Variants in GRID2IP observed in about 807,000 individuals in gnomAD.
The protein encoded by GRID2IP is Grid2 interacting protein, also known as delphilin.
A neutral mutation model predicts 114.3 loss-of-function variants in GRID2IP; 78 were observed. That is an observed-to-expected ratio of 0.68 (90% confidence interval 0.57 to 0.82). The LOEUF is 0.82. Among genes scored for constraint, GRID2IP ranks in the 40% least tolerant of loss-of-function variants. The pLI, the probability that GRID2IP is intolerant of heterozygous loss-of-function variation, is 0.00. For missense variants in GRID2IP, 1,727 were observed against 1,678.5 expected, an observed-to-expected ratio of 1.03 and a Z score of -0.51; for synonymous variants, 809 against 724.0, an observed-to-expected ratio of 1.12 and a Z score of -1.89.
At position 6,520,154 on chromosome 7, in the gene GRID2IP, G is replaced by A. The variant is rs1294744846; in HGVS notation, c.1268+424C>T. On this transcript the variant is annotated intron_variant, in intron 7 of 21. Coordinates refer to ENST00000457091, the MANE Select transcript of GRID2IP (RefSeq NM_001145118.2). The surrounding 1 kb of genome is among the most constrained non-coding windows in gnomAD (Gnocchi z 4.6). Reference sequence around the variant, plus strand: ...AAAAATACAAAAAAATTAGCCGGGTGTGGTGGTGGGCACCTGTAATCCCAG... The same window carrying A: ...AAAAATACAAAAAAATTAGCCGGGTATGGTGGTGGGCACCTGTAATCCCAG... 6.6e-6 allele frequency among the ~76,000 whole-genome samples: 1 copy of A among 152,096 alleles called. No individual in the cohort carries two copies. The highest frequency in any genetic ancestry group is 1.5e-5 in the Non-Finnish European group (1 of 68,020).
In GRID2IP at chr7:6,507,817, A is replaced by AGTGGCCCCCAAGCG. The variant is rs1190874696; in HGVS notation, c.2544+154_2544+167dup. Among the ~76,000 whole-genome samples, 7 of 152,200 alleles carry AGTGGCCCCCAAGCG rather than the reference A, an allele frequency of 4.6e-5. No homozygotes were observed. Among genetic ancestry groups the AGTGGCCCCCAAGCG allele is most frequent in the Non-Finnish European group, 8.8e-5 (6 of 68,038 alleles). ...GACACAGATTGGCTTCAATGCCTGC[A>AGTGGCCCCCAAGCG]GTGGCCCCCAAGCGTGGGGACGTTC... On this transcript the variant is annotated intron_variant, in intron 13 of 21. Transcript: ENST00000457091. The surrounding 1 kb of genome is among the most constrained non-coding windows in gnomAD (Gnocchi z 5.3).
Position 6,497,750 on chromosome 7 carries a change from G to A in GRID2IP, c.*24C>T, listed in dbSNP as rs767618302. 59 of 1,532,708 alleles carry A rather than the reference G, an allele frequency of 3.8e-5. No individual in the cohort carries two copies. Among genetic ancestry groups the A allele is most frequent in the South Asian group, 7.2e-5 (6 of 83,346 alleles). The allele number at this position is 1,532,708 out of a possible 1,614,324, so 94.9% of individuals were successfully genotyped here. A position where few individuals can be genotyped will look rare whatever the true frequency, so the allele number is the denominator to read the frequency against. On this transcript the variant is annotated 3_prime_UTR_variant, in exon 22 of 22. Transcript: ENST00000457091. ...CGGCCTCCATCTCCCTGCTCAGGCC[G>A]CAGAGGACGCGGTGTGGCCACTGTC...
In GRID2IP at chr7:6,551,244, G is replaced by A; in HGVS notation, c.193C>T (p.Leu65Phe). The A allele has an allele frequency of 6.5e-7, 1 of 1,531,588 alleles. No individual in the cohort carries two copies. The highest frequency in any genetic ancestry group is 8.7e-7 in the Non-Finnish European group (1 of 1,144,454). 94.9% of individuals were successfully genotyped at this position (1,531,588 alleles called of 1,614,324 possible). A position where few individuals can be genotyped will look rare whatever the true frequency, so the allele number is the denominator to read the frequency against. The change falls in exon 1 of 22, where the codon CTC becomes TTC. Residue 65 changes from leucine (L) to phenylalanine (F), a missense_variant. Transcript: ENST00000457091. Reference protein sequence around the residue: ...LAVGGLSRERLVRLARRCPRV... With the variant: ...LAVGGLSRERFVRLARRCPRV... The stretch of plus-strand genomic sequence containing the variant: ...GGGCAGCGCCGTGCCAGGCGCACGA[G>A]GCGCTCGCGGCTCAGACCGCCCACC...
chr7:6,504,041 G>C (rs986294953), intron 15 of GRID2IP, among the ~76,000 whole-genome samples: 9 of 151,490 alleles, frequency 5.9e-5, no homozygotes, highest in African/African-American at 2.2e-4. Context: ...AATCTGAAGG[G>C]GCAGGGGACA....
At chr7:6,542,306 C>CAAAAAAAA (rs56154707) in intron 1 of GRID2IP, among the ~76,000 whole-genome samples, 116 of 93,976 alleles carry the variant, frequency 1.2e-3, no homozygotes, top group Non-Finnish European at 1.7e-3. Flanking sequence ...AACTCCATCT[C>CAAAAAAAA]AAAAAAAAAA....
intron 1 of GRID2IP, among the ~76,000 whole-genome samples, chr7:6,544,598 T>C (rs1779859300): frequency 6.6e-6 from 1 of 151,988 alleles, no homozygotes; most frequent in Non-Finnish European, 1.5e-5. Context: ...TTTCAGTATA[T>C]CTACTTCTCC....
At chr7:6,544,405 G>A (rs1032393457) in intron 1 of GRID2IP, among the ~76,000 whole-genome samples, 4 of 151,614 alleles carry the variant, frequency 2.6e-5, no homozygotes, top group African/African-American at 9.7e-5. Context: ...TCACCCTCCT[G>A]AGTAGCTGGG....
chr7:6,538,600 G>A (rs1484315011), intron 2 of GRID2IP, among the ~76,000 whole-genome samples: 2 of 151,936 alleles, frequency 1.3e-5, no homozygotes, highest in African/African-American at 4.8e-5. Flanking sequence ...TAATCAGGCC[G>A]GGTACAGTGG....
At chr7:6,541,820 TTTATC>T (rs1379784300) in intron 1 of GRID2IP, among the ~76,000 whole-genome samples, 1 of 152,194 alleles carries the variant, frequency 6.6e-6, no homozygotes, top group Non-Finnish European at 1.5e-5. Context: ...CATGTAGGAA[TTTATC>T]TTACACACAT....
chr7:6,509,777 C>G lies in GRID2IP; in HGVS notation c.1772-464G>C, dbSNP rs1786709692. Among the ~76,000 whole-genome samples the G allele has an allele frequency of 6.6e-6, 1 of 152,214 alleles. No homozygotes were observed. The highest frequency in any genetic ancestry group is 1.5e-5 in the Non-Finnish European group (1 of 68,026). Reference sequence around the variant, plus strand: ...CAACGCGTTGCACTTGATCATTTATCCAATAACCACTTGCTAACTCGGGGA... The same window carrying G: ...CAACGCGTTGCACTTGATCATTTATGCAATAACCACTTGCTAACTCGGGGA... On this transcript the variant is annotated intron_variant, in intron 11 of 21. Coordinates refer to ENST00000457091, the MANE Select transcript of GRID2IP (RefSeq NM_001145118.2). This position sits in a 1 kb window ranked among gnomAD's most constrained non-coding sequence, Gnocchi z 4.9.
At position 6,503,614 on chromosome 7, in the gene GRID2IP, G is replaced by A; in HGVS notation, c.2784C>T (p.Arg928=). ...RQVLMSMEPR[R]LEPAHLAQLL... is the part of the protein sequence containing the mutation. ...GCTGCGCGAGATGTGCGGGCTCCAG[G>A]CGCCGGGGCTCCATGCTCATCAGCA... The change falls in exon 16 of 22, where the codon CGC becomes CGT. Residue 928 remains arginine, a synonymous_variant. Transcript: ENST00000457091. 2 of 1,529,068 alleles carry A rather than the reference G, an allele frequency of 1.3e-6. No homozygotes were observed. Among genetic ancestry groups the A allele is most frequent in the Non-Finnish European group, 1.7e-6 (2 of 1,144,350 alleles). 94.7% of individuals were successfully genotyped at this position (1,529,068 alleles called of 1,614,324 possible).
rs116709715 is a variant in GRID2IP at position 6,497,679 on chromosome 7, C to T, written c.*95G>A. 4,020 of 910,632 alleles carry T rather than the reference C, an allele frequency of 4.4e-3. 132 individuals carry two copies. In the African/African-American group the frequency reaches 0.061, roughly 14 times the overall value. 56.4% of individuals were successfully genotyped at this position (910,632 alleles called of 1,614,324 possible). On this transcript the variant is annotated 3_prime_UTR_variant, in exon 22 of 22. Transcript: ENST00000457091. ...AGAGGCTGGCGGTGTGCTCAGAGCC[C>T]GGGGCACAGTGGCCCCGGACCTCGG...
chr7:6,550,977 C>CAAAA, intron 1 of GRID2IP, 31 bp downstream of exon 1: 1 of 604,992 alleles, frequency 1.7e-6, no homozygotes. Flanking sequence ...CCCCCTCCTT[C>CAAAA]CCGCCCCCAC....
chr7:6,498,248 GA>G lies in GRID2IP; in HGVS notation c.3400-21del, dbSNP rs1453038128. 6.6e-7 allele frequency: 1 copy of G among 1,523,796 alleles called. No individual in the cohort carries two copies. Among genetic ancestry groups the G allele is most frequent in the African/African-American group, 1.4e-5 (1 of 71,846 alleles). 94.4% of individuals were successfully genotyped at this position (1,523,796 alleles called of 1,614,324 possible). On this transcript the variant is annotated intron_variant, in intron 20 of 21. Coordinates refer to ENST00000457091, the MANE Select transcript of GRID2IP (RefSeq NM_001145118.2). ...GAAGGACTGACAGGCCTCAGTTAAG[GA>G]AACAGCCAGCCCGCTTGTGCCCCCA...
intron 2 of GRID2IP, among the ~76,000 whole-genome samples, chr7:6,533,371 T>C (rs1369990984): frequency 1.3e-5 from 2 of 152,140 alleles, no homozygotes; most frequent in Non-Finnish European, 2.9e-5. Context: ...CTCTTATTTA[T>C]TTTTAGAGAC....
chr7:6,504,166 G>A (rs1256301514), intron 15 of GRID2IP, among the ~76,000 whole-genome samples: 2 of 151,894 alleles, frequency 1.3e-5, no homozygotes, highest in Admixed American at 1.3e-4. Flanking sequence ...AAACTGAGGC[G>A]GGGCCCGGGT....
intron 4 of GRID2IP, among the ~76,000 whole-genome samples, chr7:6,522,609 C>T (rs1583345216): frequency 6.6e-6 from 1 of 151,908 alleles, no homozygotes; most frequent in East Asian, 1.9e-4. Flanking sequence ...ACCTCAGGCT[C>T]TGAGTAGCTG....
chr7:6,547,406 G>A (rs1021469290), intron 1 of GRID2IP, among the ~76,000 whole-genome samples: 7 of 151,562 alleles, frequency 4.6e-5, no homozygotes, highest in Non-Finnish European at 1.0e-4. Flanking sequence ...TAATCAGCCA[G>A]GTGTGGTGGT....
Position 6,506,186 on chromosome 7 carries a change from G to T in GRID2IP, c.2545-279C>A, listed in dbSNP as rs1583334522. Among the ~76,000 whole-genome samples the T allele has an allele frequency of 6.6e-6, 1 of 152,236 alleles. No individual in the cohort carries two copies. On this transcript the variant is annotated intron_variant, in intron 13 of 21. Coordinates refer to ENST00000457091, the MANE Select transcript of GRID2IP (RefSeq NM_001145118.2). This position sits in a 1 kb window ranked among gnomAD's most constrained non-coding sequence, Gnocchi z 5.2. ...GTGGGACTGCAGCGGGGGCATGAAGGAGCTGTGAAGAGGCTAGAGCCAAGT... is the reference window on the plus strand; with the variant it reads ...GTGGGACTGCAGCGGGGGCATGAAGTAGCTGTGAAGAGGCTAGAGCCAAGT...
Sources: gnomAD v4.1 joint callset for allele counts (sites outside exome capture counted in the v4.1 genomes callset) on GRCh38, gnomAD v4.1.1 for gene constraint, Gnocchi (gnomAD v3.1) non-coding constraint, MANE v1.5 for transcripts, NCBI Gene and HGNC (gene_info 2026-07-23, HGNC 2026-07-21) for gene names.